The following ADAMTSL1 variants were observed in gnomAD, a reference collection of about 807,000 sequenced individuals.
ADAMTSL1 encodes ADAMTS like 1.
ADAMTSL1 carries 126 observed loss-of-function variants against 201.8 expected under a neutral mutation model. The observed-to-expected ratio is 0.62, with a 90% CI of 0.54 to 0.72. The LOEUF is 0.72. ADAMTSL1 is among the 30% of genes least tolerant of loss of function. The pLI is 0.00. For synonymous variants in ADAMTSL1, 1,121 were observed against 903.4 expected, an observed-to-expected ratio of 1.24 and a Z score of -4.32; for missense variants, 2,679 against 2,277.8, an observed-to-expected ratio of 1.18 and a Z score of -3.59.
rs562264523 is a variant in ADAMTSL1 at position 18,705,764 on chromosome 9, A to C, written c.1575-983A>C. 6.6e-5 allele frequency among the ~76,000 whole-genome samples: 10 copies of C among 152,382 alleles called. No homozygotes were observed. In the South Asian group the frequency reaches 1.2e-3, roughly 19 times the overall value. Reference sequence around the variant, plus strand: ...TAAATAAATCTCGGGAAGCATATTGAACAAAGAAAGTTACAGAATATGAGA... The same window carrying C: ...TAAATAAATCTCGGGAAGCATATTGCACAAAGAAAGTTACAGAATATGAGA... On this transcript the variant is annotated intron_variant, in intron 13 of 28. Transcript: ENST00000380548.
intron 1 of ADAMTSL1, among the ~76,000 whole-genome samples, chr9:17,922,918 G>T (rs909489386): frequency 2.0e-5 from 3 of 152,138 alleles, no homozygotes; most frequent in Non-Finnish European, 4.4e-5. Context: ...GAGACATAGG[G>T]GAAGGAAAGC....
At chr9:18,577,270 G>A (rs939312750) in intron 4 of ADAMTSL1, among the ~76,000 whole-genome samples, 9 of 152,136 alleles carry the variant, frequency 5.9e-5, no homozygotes, top group East Asian at 1.9e-4. Flanking sequence ...CGGATCACTC[G>A]AGGTCCGGAG....
intron 1 of ADAMTSL1, among the ~76,000 whole-genome samples, chr9:17,922,845 G>A (rs4381045): frequency 0.98 from 149,544 of 152,270 alleles, 73,444 homozygotes; most frequent in East Asian, 1. Context: ...TTGTTTATAA[G>A]TGGTTTTCAG....
chr9:18,332,234 A>G (rs1835058199), intron 2 of ADAMTSL1, among the ~76,000 whole-genome samples: 1 of 152,202 alleles, frequency 6.6e-6, no homozygotes, highest in African/African-American at 2.4e-5. Context: ...TCTTACATAG[A>G]TGTAAACATA....
At chr9:18,219,593 T>G (rs752650408) in intron 2 of ADAMTSL1, among the ~76,000 whole-genome samples, 2 of 152,032 alleles carry the variant, frequency 1.3e-5, no homozygotes, top group Non-Finnish European at 2.9e-5. Context: ...GGTCTCGAAC[T>G]CCTGACCTCA....
At chr9:18,597,950 C>T (rs1007198099) in intron 4 of ADAMTSL1, among the ~76,000 whole-genome samples, 1 of 152,140 alleles carries the variant, frequency 6.6e-6, no homozygotes, top group Non-Finnish European at 1.5e-5. Context: ...CCCCACCTGT[C>T]ATCTCTATTG....
Position 18,910,562 on chromosome 9 carries a change from T to C in ADAMTSL1, c.*2014T>C, listed in dbSNP as rs915171066. 2 of 152,210 alleles carry C rather than the reference T, an allele frequency of 1.3e-5. No individual in the cohort carries two copies. The highest frequency in any genetic ancestry group is 1.3e-4 in the Admixed American group (2 of 15,286). 9.4% of individuals were successfully genotyped at this position (152,210 alleles called of 1,614,324 possible). A position where few individuals can be genotyped will look rare whatever the true frequency, so the allele number is the denominator to read the frequency against. On this transcript the variant is annotated 3_prime_UTR_variant, in exon 29 of 29. Transcript: ENST00000380548. ...GCTGAGGCAGTAAGAGGGAATTCATTTGTGGCATAATAGTTATGCATGGAA... is the reference window on the plus strand; with the variant it reads ...GCTGAGGCAGTAAGAGGGAATTCATCTGTGGCATAATAGTTATGCATGGAA...
intron 1 of ADAMTSL1, among the ~76,000 whole-genome samples, chr9:17,979,066 C>A (rs1447578431): frequency 1.3e-5 from 2 of 151,746 alleles, no homozygotes; most frequent in East Asian, 1.9e-4. Flanking sequence ...GGTGTCTATG[C>A]GTGTGACAAT....
intron 1 of ADAMTSL1, among the ~76,000 whole-genome samples, chr9:18,023,927 A>G (rs62553122): frequency 0.033 from 4,999 of 152,232 alleles, 146 homozygotes; most frequent in South Asian, 0.11. Context: ...AAGAAATACG[A>G]AAATATTTAC....
At chr9:18,310,594 T>C (rs1834110764) in intron 2 of ADAMTSL1, among the ~76,000 whole-genome samples, 1 of 152,074 alleles carries the variant, frequency 6.6e-6, no homozygotes, top group Admixed American at 6.5e-5. Flanking sequence ...CCAACAAATA[T>C]ATGAAAAAAA....
intron 2 of ADAMTSL1, among the ~76,000 whole-genome samples, chr9:18,401,623 G>A (rs1172739458): frequency 1.3e-5 from 2 of 152,188 alleles, no homozygotes; most frequent in Non-Finnish European, 2.9e-5. Flanking sequence ...TGCCACCCTT[G>A]GTTAATGGTT....
chr9:18,178,459 C>T (rs1272781156), intron 2 of ADAMTSL1, among the ~76,000 whole-genome samples: 6 of 152,238 alleles, frequency 3.9e-5, no homozygotes, highest in East Asian at 3.9e-4. Context: ...GAGGGGCGCC[C>T]GCCATTGCCC....
intron 15 of ADAMTSL1, among the ~76,000 whole-genome samples, chr9:18,725,930 T>C (rs1817860206): frequency 6.6e-6 from 1 of 152,218 alleles, no homozygotes; most frequent in South Asian, 2.1e-4. Flanking sequence ...GCACTAAAAA[T>C]CTTTTACATC....
intron 1 of ADAMTSL1, among the ~76,000 whole-genome samples, chr9:17,920,489 A>G (rs918206202): frequency 1.3e-5 from 2 of 152,138 alleles, no homozygotes; most frequent in Non-Finnish European, 2.9e-5. Context: ...CTTGTTGCTT[A>G]TTTTGCATGA....
chr9:18,356,965 C>A (rs1375367172), intron 2 of ADAMTSL1, among the ~76,000 whole-genome samples: 2 of 152,122 alleles, frequency 1.3e-5, no homozygotes, highest in African/African-American at 4.8e-5. Flanking sequence ...ATTCCTATAA[C>A]AATTTCTTAG....
intron 2 of ADAMTSL1, among the ~76,000 whole-genome samples, chr9:18,234,790 C>T (rs1830776721): frequency 6.6e-6 from 1 of 152,182 alleles, no homozygotes. Context: ...CCAGATTTGT[C>T]CTCTGTCTCA....
chr9:18,892,550 G>A lies in ADAMTSL1; in HGVS notation c.4805G>A (p.Cys1602Tyr). ...VAKRPVDTQA[C>Y]NQQLCVEWAF... Reference sequence around the variant, plus strand: ...AAGCGGCCTGTGGACACCCAGGCCTGTAACCAGCAGCTGTGTGTGGAGTGG... The same window carrying A: ...AAGCGGCCTGTGGACACCCAGGCCTATAACCAGCAGCTGTGTGTGGAGTGG... Residue 1602 changes from cysteine (C) to tyrosine (Y), a missense_variant, in exon 26 of 29, where the codon TGT (cysteine) becomes TAT (tyrosine). By Grantham distance (194) the Cys-to-Tyr change is radical (BLOSUM62 -2). Transcript: ENST00000380548. The A allele has an allele frequency of 6.3e-7, 1 of 1,579,128 alleles. No homozygotes were observed. The highest frequency in any genetic ancestry group is 2.3e-5 in the East Asian group (1 of 43,036).
intron 1 of ADAMTSL1, among the ~76,000 whole-genome samples, chr9:18,484,778 G>A (rs1821902263): frequency 6.6e-6 from 1 of 152,092 alleles, no homozygotes. Flanking sequence ...TCGATCAGTG[G>A]GTTTTGCCCA....
At chr9:18,108,053 C>G (rs1294625314) in intron 1 of ADAMTSL1, among the ~76,000 whole-genome samples, 1 of 152,072 alleles carries the variant, frequency 6.6e-6, no homozygotes, top group Non-Finnish European at 1.5e-5. Context: ...CTTTATTACA[C>G]TTGAGAAAAG....
Sources: gnomAD v4.1 joint callset for allele counts (sites outside exome capture counted in the v4.1 genomes callset) on GRCh38, gnomAD v4.1.1 for gene constraint, MANE v1.5 for transcripts, NCBI Gene and HGNC (gene_info 2026-07-23, HGNC 2026-07-21) for gene names.